EPHB1: variants seen among roughly 807,000 people sequenced by gnomAD.
EPHB1 encodes the protein EPH receptor B1, also known as ephrin type-B receptor 1.
Under a neutral mutation model 94.4 loss-of-function variants are expected in EPHB1, and 30 were observed. That is an observed-to-expected ratio of 0.32 (90% CI 0.24 to 0.43). EPHB1 has a LOEUF of 0.43. Among genes scored for constraint, EPHB1 ranks in the 20% least tolerant of loss-of-function variants. The probability of loss-of-function intolerance (pLI) is 1.00; values close to 1 mark genes in which losing one functional copy is unlikely to be tolerated. For synonymous variants in EPHB1, 522 were observed against 489.1 expected (o/e 1.07, Z -0.89); for missense variants, 1,055 against 1,308.3 (o/e 0.81, Z 2.99).
intron 7 of EPHB1, among the ~76,000 whole-genome samples, chr3:135,165,055 G>A (rs560913441): frequency 3.9e-5 from 6 of 152,246 alleles, no homozygotes; most frequent in African/African-American, 1.4e-4. Context: ...AACATAAATA[G>A]CTTGACTTCT....
At chr3:135,208,289 A>G in intron 12 of EPHB1, among the ~76,000 whole-genome samples, 1 of 91,554 alleles carries the variant, frequency 1.1e-5, no homozygotes, top group Non-Finnish European at 2.2e-5. Flanking sequence ...ACCTTTCATG[A>G]CGTGTGTGTG....
At chr3:134,834,463 T>A (rs1020165015) in intron 1 of EPHB1, among the ~76,000 whole-genome samples, 1 of 152,154 alleles carries the variant, frequency 6.6e-6, no homozygotes, top group African/African-American at 2.4e-5. Context: ...GGCTGTTTGG[T>A]CTTGTCTGCA....
chr3:134,916,961 A>C (rs2038587414), intron 1 of EPHB1, among the ~76,000 whole-genome samples: 1 of 152,144 alleles, frequency 6.6e-6, no homozygotes, highest in African/African-American at 2.4e-5. Context: ...CCTTCTGAAC[A>C]CCTCTGTTGT....
chr3:134,919,445 C>T (rs928527662), intron 1 of EPHB1, among the ~76,000 whole-genome samples: 4 of 152,216 alleles, frequency 2.6e-5, no homozygotes, highest in Non-Finnish European at 4.4e-5. Flanking sequence ...TTCCAAAATC[C>T]AAAGCCAGCA....
chr3:135,200,951 G>A (rs1185300842), intron 11 of EPHB1, among the ~76,000 whole-genome samples: 1 of 152,126 alleles, frequency 6.6e-6, no homozygotes, highest in African/African-American at 2.4e-5. Flanking sequence ...AGAAGAAAGG[G>A]TGCCAGTCAC....
intron 1 of EPHB1, among the ~76,000 whole-genome samples, chr3:134,815,569 G>A (rs1269886700): frequency 2.0e-5 from 3 of 152,190 alleles, no homozygotes; most frequent in African/African-American, 7.2e-5. Flanking sequence ...CAACTTTCTT[G>A]TGTGATTGCT....
intron 12 of EPHB1, among the ~76,000 whole-genome samples, chr3:135,206,645 T>C (rs1387369584): frequency 6.6e-6 from 1 of 152,116 alleles, no homozygotes; most frequent in Non-Finnish European, 1.5e-5. Context: ...AGGTCACGAG[T>C]TCGAGACCAG....
intron 3 of EPHB1, among the ~76,000 whole-genome samples, chr3:135,008,949 G>A (rs960850446): frequency 4.6e-5 from 7 of 152,184 alleles, no homozygotes; most frequent in African/African-American, 1.7e-4. Context: ...AGTGCATTCA[G>A]TGCGGCCAGG....
chr3:134,964,836 C>A (rs1215635767), intron 3 of EPHB1, among the ~76,000 whole-genome samples: 1 of 152,212 alleles, frequency 6.6e-6, no homozygotes, highest in Non-Finnish European at 1.5e-5. Context: ...AAGAAACATA[C>A]ATTTCATTGA....
chr3:134,834,096 G>A (rs1026256362), intron 1 of EPHB1, among the ~76,000 whole-genome samples: 4 of 152,174 alleles, frequency 2.6e-5, no homozygotes, highest in Admixed American at 6.5e-5. Flanking sequence ...CAACTAGAGA[G>A]CAGGGAGGAA....
intron 2 of EPHB1, among the ~76,000 whole-genome samples, chr3:134,946,484 A>T (rs1267470504): frequency 6.6e-6 from 1 of 152,080 alleles, no homozygotes; most frequent in Non-Finnish European, 1.5e-5. Flanking sequence ...CTCTGCTCCT[A>T]TTCTGCTCCC....
At position 135,133,011 on chromosome 3, in the gene EPHB1, C is replaced by A. The variant is rs1205652617; in HGVS notation, c.1259C>A (p.Pro420Gln). The part of the protein sequence containing the change: ...NGVSSKSPFP[P>Q]QHVSVNITTN... ...GTCTCCAGCAAGAGTCCCTTCCCCCCACAGCACGTCTCTGTCAACATCACC... is the reference window on the plus strand; with the variant it reads ...GTCTCCAGCAAGAGTCCCTTCCCCCAACAGCACGTCTCTGTCAACATCACC... Residue 420 changes from proline to glutamine, a missense_variant, in exon 5 of 16, where the codon CCA (proline) becomes CAA (glutamine). Coordinates refer to ENST00000398015, the MANE Select transcript of EPHB1 (RefSeq NM_004441.5). 4 of 1,603,978 alleles carry A rather than the reference C, an allele frequency of 2.5e-6. No homozygotes were observed. The highest frequency in any genetic ancestry group is 1.1e-5 in the South Asian group (1 of 90,554).
chr3:135,017,457 C>A (rs1313086939), intron 3 of EPHB1, among the ~76,000 whole-genome samples: 1 of 152,148 alleles, frequency 6.6e-6, no homozygotes, highest in African/African-American at 2.4e-5. Context: ...GCAGCCGGAG[C>A]CCTCCAATGA....
At chr3:135,148,685 T>G (rs970087429) in intron 5 of EPHB1, among the ~76,000 whole-genome samples, 1 of 152,366 alleles carries the variant, frequency 6.6e-6, no homozygotes, top group East Asian at 1.9e-4. Flanking sequence ...AAGAACATTC[T>G]GTGCTCTTCC....
intron 4 of EPHB1, among the ~76,000 whole-genome samples, chr3:135,126,100 A>G (rs1206694643): frequency 1.3e-5 from 2 of 152,106 alleles, no homozygotes; most frequent in Non-Finnish European, 2.9e-5. Context: ...CCCACCATCC[A>G]TACGCCTGAT....
At chr3:135,001,203 C>A (rs959980609) in intron 3 of EPHB1, among the ~76,000 whole-genome samples, 1 of 152,128 alleles carries the variant, frequency 6.6e-6, no homozygotes, top group Non-Finnish European at 1.5e-5. Context: ...GGCGGGGGAG[C>A]CTGCACCTTC....
At chr3:135,231,612 T>A (rs1036450081) in intron 12 of EPHB1, among the ~76,000 whole-genome samples, 1 of 152,224 alleles carries the variant, frequency 6.6e-6, no homozygotes, top group Non-Finnish European at 1.5e-5. Flanking sequence ...CATTTGTAGT[T>A]ATTCAAATCA....
intron 2 of EPHB1, among the ~76,000 whole-genome samples, chr3:134,935,655 A>G (rs1188827219): frequency 1.3e-5 from 2 of 152,098 alleles, no homozygotes; most frequent in Admixed American, 1.3e-4. Context: ...ACTTGCCCTG[A>G]TTAGTACTAG....
At chr3:135,213,125 A>T (rs911430082) in intron 12 of EPHB1, among the ~76,000 whole-genome samples, 8 of 151,772 alleles carry the variant, frequency 5.3e-5, no homozygotes, top group Non-Finnish European at 8.8e-5. Flanking sequence ...TTCATCTCTC[A>T]CTCTGCCTTA....
Sources: allele counts gnomAD v4.1 joint callset (sites outside exome capture counted in the v4.1 genomes callset), GRCh38; gene constraint gnomAD v4.1.1; transcripts MANE v1.5; gene names NCBI Gene and HGNC (gene_info 2026-07-23, HGNC 2026-07-21).